The following CAMSAP1 variants were observed in gnomAD, a reference collection of about 807,000 sequenced individuals.
CAMSAP1 encodes the protein calmodulin regulated spectrin associated protein 1.
Under a neutral mutation model 143.5 loss-of-function variants are expected in CAMSAP1, and 58 were observed. The observed-to-expected ratio is 0.40, with a 90% CI of 0.33 to 0.50. The LOEUF is 0.50. Among genes scored for constraint, CAMSAP1 ranks in the 20% least tolerant of loss-of-function variants. The probability of loss-of-function intolerance (pLI) is 0.45; values close to 1 mark genes in which losing one functional copy is unlikely to be tolerated. For synonymous variants in CAMSAP1, 945 were observed against 859.3 expected, an observed-to-expected ratio of 1.10 and a Z score of -1.74; for missense variants, 1,969 against 2,115.7, an observed-to-expected ratio of 0.93 and a Z score of 1.36.
chr9:135,822,185 T>G lies in CAMSAP1; in HGVS notation c.2476A>C (p.Asn826His), dbSNP rs1243109347. The change falls in exon 11 of 17, where the codon AAC (asparagine) becomes CAC (histidine). Residue 826 changes from asparagine to histidine, a missense_variant. By Grantham distance (68) the Asn-to-His change is moderately conservative (BLOSUM62 1). Around this residue, in one of 4 missense-constraint regions of CAMSAP1, gnomAD observed 1,390 missense variants for 1,420.8 expected, o/e 0.98. Transcript: ENST00000389532. This position sits in a 1 kb window ranked among gnomAD's most constrained non-coding sequence, Gnocchi z 6.1. ...SFAERKLQRL[N>H]SCETKSSTSS... ...GTGCTGGACTTGGTCTCACAGCTGTTGAGTCTCTGGAGCTTCCTCTCCGCA... is the reference window on the plus strand; with the variant it reads ...GTGCTGGACTTGGTCTCACAGCTGTGGAGTCTCTGGAGCTTCCTCTCCGCA... The G allele has an allele frequency of 1.2e-6, 2 of 1,613,920 alleles. No individual in the cohort carries two copies. Among genetic ancestry groups the G allele is most frequent in the Admixed American group, 1.7e-5 (1 of 60,036 alleles).
intron 4 of CAMSAP1, among the ~76,000 whole-genome samples, chr9:135,863,618 T>G (rs919821800): frequency 3.3e-5 from 5 of 152,222 alleles, no homozygotes; most frequent in Admixed American, 1.3e-4. Flanking sequence ...AAGTACATCA[T>G]GTAGAATAAT....
chr9:135,899,459 T>C (rs1838554764), intron 1 of CAMSAP1, among the ~76,000 whole-genome samples: 1 of 151,800 alleles, frequency 6.6e-6, no homozygotes, highest in Non-Finnish European at 1.5e-5. Flanking sequence ...GTCTTCACTT[T>C]ATACCTTACA....
chr9:135,852,014 T>A (rs1438315658), intron 5 of CAMSAP1, among the ~76,000 whole-genome samples: 1 of 152,168 alleles, frequency 6.6e-6, no homozygotes, highest in African/African-American at 2.4e-5. Context: ...CCTTCCCACC[T>A]GCACCGCAGC....
In CAMSAP1 at chr9:135,882,136, G is replaced by C. The variant is rs1837979658; in HGVS notation, c.424-342C>G. Among the ~76,000 whole-genome samples, 3 of 152,186 alleles carry C rather than the reference G, an allele frequency of 2.0e-5. No homozygotes were observed. On this transcript the variant is annotated intron_variant, in intron 2 of 16. Transcript: ENST00000389532. The surrounding 1 kb of genome is among the most constrained non-coding windows in gnomAD (Gnocchi z 4.9). ...AAGGCGGTGCAGCTCCCAGGTCGTG[G>C]TTGTGGGAAGGCAGACAGGAGACCT...
chr9:135,839,619 A>G (rs2131712030), intron 7 of CAMSAP1, among the ~76,000 whole-genome samples: 1 of 152,304 alleles, frequency 6.6e-6, no homozygotes, highest in East Asian at 1.9e-4. Flanking sequence ...ACGCCTGCTG[A>G]CAGTGTGTTC....
Position 135,845,379 on chromosome 9 carries a change from C to G in CAMSAP1, c.1045+4758G>C, listed in dbSNP as rs556362049. Among the ~76,000 whole-genome samples, 102 of 152,178 alleles carry G rather than the reference C, an allele frequency of 6.7e-4. 1 individual carries two copies. The highest frequency in any genetic ancestry group is 3.5e-3 in the Admixed American group (54 of 15,284). On this transcript the variant is annotated intron_variant, in intron 7 of 16. Transcript: ENST00000389532. ...GATGGGACGTATCTCAAAATAATAA[C>G]AGCTATTTAGACAAACCGACAGCCA...
In CAMSAP1 at chr9:135,822,929, C is replaced by G. The variant is rs1461553748; in HGVS notation, c.1732G>C (p.Gly578Arg). The G allele has an allele frequency of 6.2e-7, 1 of 1,613,932 alleles. No individual in the cohort carries two copies. The highest frequency in any genetic ancestry group is 1.7e-5 in the Admixed American group (1 of 60,020). ...TTACTTTCCGAGGTGTCCAGCTGTCCTTGGGGAGACCGGGCATTTGCTGTA... is the reference window on the plus strand; with the variant it reads ...TTACTTTCCGAGGTGTCCAGCTGTCGTTGGGGAGACCGGGCATTTGCTGTA... The part of the protein sequence containing the change: ...GLTANARSPQ[G>R]QLDTSESKPD... The change falls in exon 11 of 17, where the codon GGA becomes CGA. Residue 578 changes from glycine to arginine, a missense_variant. Coordinates refer to ENST00000389532, the MANE Select transcript of CAMSAP1 (RefSeq NM_015447.4). This position sits in a 1 kb window ranked among gnomAD's most constrained non-coding sequence, Gnocchi z 6.1.
At chr9:135,881,517 T>C (rs2130983374) in intron 3 of CAMSAP1, 116 bp downstream of exon 3, 1 of 1,179,846 alleles carries the variant, frequency 8.5e-7, no homozygotes, top group Non-Finnish European at 1.2e-6. Flanking sequence ...AAAATATGAC[T>C]GGTCCCAAAT....
At chr9:135,856,896 A>G (rs1056678609) in intron 5 of CAMSAP1, among the ~76,000 whole-genome samples, 2 of 152,276 alleles carry the variant, frequency 1.3e-5, no homozygotes, top group East Asian at 3.9e-4. Flanking sequence ...GAAGGCTGGC[A>G]CTGTGGATTT....
chr9:135,868,359 G>A (rs751433786), intron 3 of CAMSAP1, among the ~76,000 whole-genome samples: 31 of 152,240 alleles, frequency 2.0e-4, no homozygotes, highest in Non-Finnish European at 3.7e-4. Context: ...CTGTGCACCT[G>A]ACTGAGTTAC....
At chr9:135,892,848 CAAAAAA>C (rs59978082) in intron 1 of CAMSAP1, among the ~76,000 whole-genome samples, 3 of 42,078 alleles carry the variant, frequency 7.1e-5, no homozygotes, top group East Asian at 9.3e-4. Flanking sequence ...AAGACTGTCT[CAAAAAA>C]AAAAAAAAAA....
chr9:135,846,284 G>A (rs564152574), intron 7 of CAMSAP1, among the ~76,000 whole-genome samples: 1 of 152,270 alleles, frequency 6.6e-6, no homozygotes, highest in East Asian at 1.9e-4. Context: ...ATGGGGAAAG[G>A]ATTCCCTATT....
chr9:135,887,026 G>T (rs971468766), intron 1 of CAMSAP1, among the ~76,000 whole-genome samples: 1 of 152,134 alleles, frequency 6.6e-6, no homozygotes, highest in African/African-American at 2.4e-5. Flanking sequence ...GAGGTGTAGA[G>T]ACTGGAAGCG....
chr9:135,822,289 C>G lies in CAMSAP1; in HGVS notation c.2372G>C (p.Arg791Pro), dbSNP rs762747347. Residue 791 changes from arginine (R) to proline (P), a missense_variant, in exon 11 of 17, where the codon CGC (arginine) becomes CCC (proline). Physicochemically the swap from Arg to Pro is moderately radical, Grantham distance 103. Transcript: ENST00000389532. The surrounding 1 kb of genome is among the most constrained non-coding windows in gnomAD (Gnocchi z 6.1). ...GGCTGTGCTCAGGCAGGGGCTCGAG[C>G]GGCCGCTGGCGTCATCTTTGTCTTC... ...EHEDKDDASGRSSPCLSTASQ... is the reference protein window; with the variant it reads ...EHEDKDDASGPSSPCLSTASQ... 3 of 1,613,844 alleles carry G rather than the reference C, an allele frequency of 1.9e-6. No homozygotes were observed. The highest frequency in any genetic ancestry group is 1.3e-5 in the African/African-American group (1 of 74,926).
rs750875982 is a variant in CAMSAP1, at chr9:135,821,829, C to A, written c.2832G>T (p.Gly944=). The stretch of plus-strand genomic sequence containing the variant: ...TGGAAACAGCGTCCCCACAGTCCTC[C>A]CCGTTGTGCTGAGAGTACTCCTTTG... ...HFAKEYSQHN[G]EDCGDAVSKT... is the part of the protein sequence containing the mutation. Residue 944 remains glycine (G), a synonymous_variant, in exon 11 of 17, where the codon GGG becomes GGT. Coordinates refer to ENST00000389532, the MANE Select transcript of CAMSAP1 (RefSeq NM_015447.4). This position sits in a 1 kb window ranked among gnomAD's most constrained non-coding sequence, Gnocchi z 4.6. The A allele has an allele frequency of 1.9e-6, 3 of 1,614,040 alleles. No homozygotes were observed. In the East Asian group the frequency reaches 6.7e-5, roughly 36 times the overall value.
At chr9:135,848,613 A>C (rs1836662955) in intron 7 of CAMSAP1, among the ~76,000 whole-genome samples, 1 of 152,136 alleles carries the variant, frequency 6.6e-6, no homozygotes, top group Non-Finnish European at 1.5e-5. Flanking sequence ...TGTCCATGTG[A>C]TTCTGTGCCT....
intron 3 of CAMSAP1, among the ~76,000 whole-genome samples, chr9:135,867,724 T>C (rs1435499170): frequency 6.6e-6 from 1 of 152,208 alleles, no homozygotes; most frequent in Non-Finnish European, 1.5e-5. Context: ...CATTTGCTTG[T>C]AACTCTGATC....
chr9:135,902,862 G>C (rs560663367), intron 1 of CAMSAP1, among the ~76,000 whole-genome samples: 1 of 152,238 alleles, frequency 6.6e-6, no homozygotes, highest in Non-Finnish European at 1.5e-5. Context: ...AGTAAGGAGA[G>C]GGGATGAACT....
intron 6 of CAMSAP1, 39 bp downstream of exon 6, chr9:135,850,283 C>T: frequency 1.2e-6 from 2 of 1,612,230 alleles, no homozygotes; most frequent in East Asian, 4.5e-5. Context: ...TTTATTCACA[C>T]ATGGTTTTAA....
Sources: allele counts gnomAD v4.1 joint callset (sites outside exome capture counted in the v4.1 genomes callset), GRCh38; gene constraint gnomAD v4.1.1; regional missense constraint gnomAD v4.1.1; non-coding constraint Gnocchi (gnomAD v3.1); transcripts MANE v1.5; gene names NCBI Gene and HGNC (gene_info 2026-07-23, HGNC 2026-07-21).